Variants in SLC24A3 observed in about 807,000 individuals in gnomAD.
The protein encoded by SLC24A3 is sodium/potassium/calcium exchanger 3.
A neutral mutation model predicts 75.8 loss-of-function variants in SLC24A3; 28 were observed. The ratio of observed to expected loss-of-function variants is 0.37; its 90% confidence interval spans 0.27 to 0.51. The LOEUF (loss-of-function observed/expected upper bound fraction) is 0.51, where lower values mean the gene tolerates loss of function less well. Ranked by LOEUF, SLC24A3 falls within the 20% of genes least tolerant of loss-of-function variation. The probability of loss-of-function intolerance (pLI) is 0.94; values close to 1 mark genes in which losing one functional copy is unlikely to be tolerated. For missense variants in SLC24A3, 663 were observed against 847.8 expected, an observed-to-expected ratio of 0.78 and a Z score of 2.71; for synonymous variants, 372 against 334.1, an observed-to-expected ratio of 1.11 and a Z score of -1.24.
chr20:19,343,485 A>C (rs527793341), intron 2 of SLC24A3, among the ~76,000 whole-genome samples: 24 of 152,288 alleles, frequency 1.6e-4, no homozygotes, highest in Middle Eastern at 3.4e-3. Context: ...AATTTAGTCT[A>C]TCGTATCTCA....
At chr20:19,218,201 A>G (rs543905828) in intron 1 of SLC24A3, among the ~76,000 whole-genome samples, 1 of 152,234 alleles carries the variant, frequency 6.6e-6, no homozygotes, top group African/African-American at 2.4e-5. Context: ...TTAGGAGCCC[A>G]TCAGCTGACA....
At chr20:19,533,781 GAGTTGACCCAACC>G (rs1190650852) in intron 3 of SLC24A3, among the ~76,000 whole-genome samples, 1 of 152,204 alleles carries the variant, frequency 6.6e-6, no homozygotes, top group East Asian at 1.9e-4. Flanking sequence ...ATCAAGCAAG[GAGTTGACCCAACC>G]ATATCTATAT....
In SLC24A3 at chr20:19,538,039, T is replaced by TA. The variant is rs762148355; in HGVS notation, c.348+22475_348+22476insA. On this transcript the variant is annotated intron_variant, in intron 3 of 16. Transcript: ENST00000328041. ...ACTTAAAGTATAATAATAATAAAAT[T>TA]TAAAAAAAAATGGGGGTAGTTTGGT... is the stretch of plus-strand genomic sequence containing the variant. 5.3e-5 allele frequency among the ~76,000 whole-genome samples: 8 copies of TA among 151,306 alleles called. No homozygotes were observed. The South Asian group carries it at 1.3e-3, about 24-fold the overall frequency.
chr20:19,436,920 G>A (rs925808751), intron 2 of SLC24A3, among the ~76,000 whole-genome samples: 2 of 152,196 alleles, frequency 1.3e-5, no homozygotes, highest in African/African-American at 4.8e-5. Flanking sequence ...GAGGATAGCA[G>A]CCCCCATTGA....
At chr20:19,281,151 C>G (rs1983652479) in intron 2 of SLC24A3, 64 bp downstream of exon 2, 3 of 1,587,948 alleles carry the variant, frequency 1.9e-6, no homozygotes, top group Non-Finnish European at 2.6e-6. Context: ...TGAGGAAGAG[C>G]CAGCTGCTGT....
At chr20:19,617,071 C>A (rs2031745959) in intron 6 of SLC24A3, among the ~76,000 whole-genome samples, 1 of 152,162 alleles carries the variant, frequency 6.6e-6, no homozygotes, top group Non-Finnish European at 1.5e-5. Flanking sequence ...AGACACAATG[C>A]TGGAGATTGC....
chr20:19,339,295 T>C (rs867132889), intron 2 of SLC24A3, among the ~76,000 whole-genome samples: 1 of 152,176 alleles, frequency 6.6e-6, no homozygotes, highest in Non-Finnish European at 1.5e-5. Flanking sequence ...ATCTAGTTTT[T>C]TTTTTCCCCT....
intron 2 of SLC24A3, among the ~76,000 whole-genome samples, chr20:19,487,109 G>A (rs1482038517): frequency 6.6e-6 from 1 of 152,220 alleles, no homozygotes; most frequent in Non-Finnish European, 1.5e-5. Flanking sequence ...TGGAAGATCT[G>A]TTAGGTGAAT....
At chr20:19,325,135 G>A (rs1368091316) in intron 2 of SLC24A3, among the ~76,000 whole-genome samples, 1 of 151,784 alleles carries the variant, frequency 6.6e-6, no homozygotes, top group Non-Finnish European at 1.5e-5. Context: ...TTAGGAGAGA[G>A]AAGGAACCCA....
At chr20:19,402,639 A>G (rs965070921) in intron 2 of SLC24A3, among the ~76,000 whole-genome samples, 3 of 152,262 alleles carry the variant, frequency 2.0e-5, no homozygotes, top group Admixed American at 6.5e-5. Flanking sequence ...GGAAAGGATC[A>G]GAGAAGTTGT....
chr20:19,700,265 T>A (rs1459616084), intron 15 of SLC24A3, among the ~76,000 whole-genome samples: 1 of 152,172 alleles, frequency 6.6e-6, no homozygotes, highest in Non-Finnish European at 1.5e-5. Flanking sequence ...TCCTGGCAGC[T>A]CTCATGTCTC....
intron 2 of SLC24A3, among the ~76,000 whole-genome samples, chr20:19,302,770 T>C (rs1315925050): frequency 6.6e-6 from 1 of 152,260 alleles, no homozygotes; most frequent in South Asian, 2.1e-4. Flanking sequence ...ATGTGTATAC[T>C]CTACTTCATT....
chr20:19,657,487 C>T (rs116049563), intron 7 of SLC24A3, among the ~76,000 whole-genome samples: 5 of 152,348 alleles, frequency 3.3e-5, no homozygotes, highest in African/African-American at 1.2e-4. Flanking sequence ...GGGTATTCAT[C>T]TGTTGCATAG....
intron 16 of SLC24A3, among the ~76,000 whole-genome samples, chr20:19,720,504 G>A (rs2033093042): frequency 6.6e-6 from 1 of 151,474 alleles, no homozygotes; most frequent in African/African-American, 2.4e-5. Context: ...GAGGAGAGAA[G>A]GAAAATGGTC....
chr20:19,231,893 A>G (rs965323935), intron 1 of SLC24A3, among the ~76,000 whole-genome samples: 4 of 152,190 alleles, frequency 2.6e-5, no homozygotes, highest in African/African-American at 9.6e-5. Context: ...ACTTGATTAT[A>G]TATTTATTAG....
intron 2 of SLC24A3, among the ~76,000 whole-genome samples, chr20:19,314,144 CTG>C (rs1485420291): frequency 6.6e-6 from 1 of 152,234 alleles, no homozygotes; most frequent in Admixed American, 6.5e-5. Flanking sequence ...CCAACTTTGT[CTG>C]TGGTTTTGCT....
At chr20:19,616,067 C>T (rs991639902) in intron 6 of SLC24A3, among the ~76,000 whole-genome samples, 1 of 152,208 alleles carries the variant, frequency 6.6e-6, no homozygotes, top group African/African-American at 2.4e-5. Context: ...AATACAATGC[C>T]TGTGAAAGGA....
chr20:19,624,062 T>A (rs2031838354), intron 6 of SLC24A3, among the ~76,000 whole-genome samples: 1 of 152,200 alleles, frequency 6.6e-6, no homozygotes, highest in Admixed American at 6.5e-5. Context: ...CCTCCAGAAA[T>A]CTTTTCAGAT....
At chr20:19,693,720 C>T (rs1447391120) in intron 13 of SLC24A3, 1 of 294,688 alleles carries the variant, frequency 3.4e-6, no homozygotes. Context: ...CATGTCTACT[C>T]CACGTGTCTG....
Sources: gnomAD v4.1 joint callset for allele counts (sites outside exome capture counted in the v4.1 genomes callset) on GRCh38, gnomAD v4.1.1 for gene constraint, MANE v1.5 for transcripts, NCBI Gene and HGNC (gene_info 2026-07-23, HGNC 2026-07-21) for gene names.